HECW2: variants seen among roughly 807,000 people sequenced by gnomAD.
The protein encoded by HECW2 is E3 ubiquitin-protein ligase HECW2.
HECW2 carries 61 observed loss-of-function variants against 175.2 expected under a neutral mutation model. The ratio of observed to expected loss-of-function variants is 0.35; its 90% CI spans 0.28 to 0.43. The LOEUF (loss-of-function observed/expected upper bound fraction) is 0.43. Among genes scored for constraint, HECW2 ranks in the 20% least tolerant of loss-of-function variants. The pLI is 1.00. For missense variants in HECW2, 1,524 were observed against 2,000.5 expected (o/e 0.76, Z 4.54); for synonymous variants, 671 against 731.0 (o/e 0.92, Z 1.32).
chr2:196,271,654 C>A (rs992306931), intron 16 of HECW2, among the ~76,000 whole-genome samples: 1 of 152,112 alleles, frequency 6.6e-6, no homozygotes, highest in Non-Finnish European at 1.5e-5. Flanking sequence ...CCTGTAACCC[C>A]AGCACTTTCA....
intron 1 of HECW2, among the ~76,000 whole-genome samples, chr2:196,459,285 A>G (rs1420442221): frequency 3.9e-5 from 6 of 152,218 alleles, no homozygotes; most frequent in Non-Finnish European, 8.8e-5. Context: ...GATGTAGACT[A>G]TGAGAAATAC....
intron 1 of HECW2, among the ~76,000 whole-genome samples, chr2:196,569,469 T>C (rs1486113784): frequency 1.3e-5 from 2 of 152,250 alleles, no homozygotes; most frequent in African/African-American, 4.8e-5. Flanking sequence ...ACTTTTTCCA[T>C]ATGATACTTT....
chr2:196,492,284 C>T (rs1238122329), intron 1 of HECW2, among the ~76,000 whole-genome samples: 5 of 152,172 alleles, frequency 3.3e-5, no homozygotes, highest in African/African-American at 9.7e-5. Context: ...CAGACATCAA[C>T]ATCTAGCCTG....
intron 28 of HECW2, 52 bp from the exon 29 acceptor site, chr2:196,201,440 A>T: frequency 7.7e-7 from 1 of 1,303,304 alleles, no homozygotes. Flanking sequence ...GTGAAATGAA[A>T]ATGTGTGTGG....
intron 17 of HECW2, among the ~76,000 whole-genome samples, chr2:196,268,654 T>C (rs1413676785): frequency 1.3e-5 from 2 of 152,212 alleles, no homozygotes; most frequent in Non-Finnish European, 1.5e-5. Flanking sequence ...TACACACTAA[T>C]GTGGAACGCA....
intron 13 of HECW2, among the ~76,000 whole-genome samples, chr2:196,298,542 C>T (rs2105669673): frequency 1.3e-5 from 2 of 152,154 alleles, no homozygotes; most frequent in Admixed American, 1.3e-4. Flanking sequence ...TACATGTGCA[C>T]AACGTGCAGG....
chr2:196,374,817 A>G (rs1694003915), intron 2 of HECW2, among the ~76,000 whole-genome samples: 1 of 151,808 alleles, frequency 6.6e-6, no homozygotes, highest in Non-Finnish European at 1.5e-5. Flanking sequence ...CGTGGGATAC[A>G]TCCAGTAAGG....
At chr2:196,383,450 C>T (rs1694263729) in intron 2 of HECW2, among the ~76,000 whole-genome samples, 1 of 151,902 alleles carries the variant, frequency 6.6e-6, no homozygotes, top group African/African-American at 2.4e-5. Context: ...GAGAAAAGAG[C>T]CTAGGAGAGA....
intron 28 of HECW2, among the ~76,000 whole-genome samples, chr2:196,204,439 C>G (rs998017934): frequency 7.9e-5 from 12 of 152,166 alleles, no homozygotes; most frequent in African/African-American, 2.9e-4. Flanking sequence ...AAGAGAGACT[C>G]TCACTGTTGT....
intron 2 of HECW2, among the ~76,000 whole-genome samples, chr2:196,413,199 A>T (rs1695162580): frequency 1.3e-5 from 2 of 152,154 alleles, no homozygotes; most frequent in Admixed American, 6.5e-5. Flanking sequence ...CAAAAAAATT[A>T]AAAAATTAGC....
intron 14 of HECW2, chr2:196,291,301 C>G (rs1202383036): frequency 2.0e-5 from 3 of 152,188 alleles, no homozygotes; most frequent in Non-Finnish European, 4.4e-5. Flanking sequence ...TATGAAATAA[C>G]ATTCTCCATT....
At chr2:196,412,337 T>C (rs1695136790) in intron 2 of HECW2, among the ~76,000 whole-genome samples, 2 of 152,282 alleles carry the variant, frequency 1.3e-5, no homozygotes, top group East Asian at 3.9e-4. Context: ...AGGGCAACAG[T>C]CATATTGAAT....
At chr2:196,578,404 C>T (rs947479468) in intron 1 of HECW2, among the ~76,000 whole-genome samples, 3 of 152,060 alleles carry the variant, frequency 2.0e-5, no homozygotes, top group Non-Finnish European at 4.4e-5. Context: ...CATATGCACA[C>T]TGGGAGTTCC....
At chr2:196,457,893 CAATAAAGCATT>C (rs1394756718) in intron 1 of HECW2, among the ~76,000 whole-genome samples, 2 of 152,130 alleles carry the variant, frequency 1.3e-5, no homozygotes, top group Non-Finnish European at 2.9e-5. Context: ...AAGTATTTAT[CAATAAAGCATT>C]ATGGTATTTG....
intron 28 of HECW2, among the ~76,000 whole-genome samples, chr2:196,207,941 C>A (rs1262276415): frequency 1.3e-5 from 2 of 152,220 alleles, no homozygotes; most frequent in Non-Finnish European, 2.9e-5. Context: ...ACCTTCTTCA[C>A]TTGTGAATGC....
At chr2:196,334,347 C>G in intron 4 of HECW2, 77 bp downstream of exon 4, 2 of 1,059,106 alleles carry the variant, frequency 1.9e-6, no homozygotes, top group South Asian at 2.8e-5. Flanking sequence ...ATAACCCTGT[C>G]AGGGCCGCAC....
intron 19 of HECW2, among the ~76,000 whole-genome samples, chr2:196,246,647 C>T (rs1688657394): frequency 6.6e-6 from 1 of 152,072 alleles, no homozygotes; most frequent in African/African-American, 2.4e-5. Flanking sequence ...CCCTCAGCCT[C>T]CCAAAGTGGT....
At chr2:196,314,138 G>A (rs1559032839) in intron 10 of HECW2, among the ~76,000 whole-genome samples, 1 of 152,186 alleles carries the variant, frequency 6.6e-6, no homozygotes, top group Non-Finnish European at 1.5e-5. Context: ...ATGCTGAATA[G>A]AGCACATCTA....
intron 21 of HECW2, among the ~76,000 whole-genome samples, chr2:196,232,073 G>C (rs1688080168): frequency 2.0e-5 from 3 of 152,170 alleles, no homozygotes; most frequent in Non-Finnish European, 4.4e-5. Context: ...GTGAGGCACA[G>C]AGTGAGCACC....
Sources: gnomAD v4.1 joint callset for allele counts (sites outside exome capture counted in the v4.1 genomes callset) on GRCh38, gnomAD v4.1.1 for gene constraint, MANE v1.5 for transcripts, NCBI Gene and HGNC (gene_info 2026-07-23, HGNC 2026-07-21) for gene names.